The following PPIG variants were observed in gnomAD, a reference collection of about 807,000 sequenced individuals.
The protein encoded by PPIG is peptidyl-prolyl cis-trans isomerase G.
A neutral mutation model predicts 87.9 loss-of-function variants in PPIG; 26 were observed. That is an observed-to-expected ratio of 0.30 (90% CI 0.22 to 0.41). The LOEUF is 0.41. PPIG is among the 10% of genes least tolerant of loss of function. The pLI is 1.00. For synonymous variants in PPIG, 308 were observed against 276.5 expected, an observed-to-expected ratio of 1.11 and a Z score of -1.13; for missense variants, 722 against 879.4, an observed-to-expected ratio of 0.82 and a Z score of 2.26.
chr2:169,639,978 C>T lies in PPIG; in HGVS notation c.*2455C>T, dbSNP rs959466594. ...AAAATATTTAAACTGATTTATTGCTCAATTGGTGATAGCTGAGAAAATTTT... is the reference window on the plus strand; with the variant it reads ...AAAATATTTAAACTGATTTATTGCTTAATTGGTGATAGCTGAGAAAATTTT... On this transcript the variant is annotated 3_prime_UTR_variant, in exon 14 of 14. Transcript: ENST00000260970. 4 of 152,024 alleles carry T rather than the reference C, an allele frequency of 2.6e-5. No individual in the cohort carries two copies. Among genetic ancestry groups the T allele is most frequent in the East Asian group, 3.9e-4 (2 of 5,180 alleles). The allele number at this position is 152,024 out of a possible 1,614,324, so 9.4% of individuals were successfully genotyped here. A position where few individuals can be genotyped will look rare whatever the true frequency, so the allele number is the denominator to read the frequency against.
chr2:169,603,899 A>G, intron 2 of PPIG, 127 bp from the exon 3 acceptor site: 3 of 718,924 alleles, frequency 4.2e-6, no homozygotes, highest in Non-Finnish European at 4.6e-6. Flanking sequence ...TTTACCTCAT[A>G]GAAATAAATA....
In PPIG at chr2:169,637,236, AGT is replaced by A; in HGVS notation, c.1980_1981del (p.Ser660ArgfsTer7). 2 of 1,613,558 alleles carry A rather than the reference AGT, an allele frequency of 1.2e-6. No homozygotes were observed. The highest frequency in any genetic ancestry group is 1.7e-6 in the Non-Finnish European group (2 of 1,179,940). On this transcript the variant is annotated frameshift_variant, in exon 14 of 14. Transcript: ENST00000260970. LOFTEE classifies it high-confidence loss of function. ...CTCACACAGAAAAGAAAATTCTGAG[AGT>A]GAGAAAAGAATGTACTCTAAAAGTC... ...KSSHRKENSE[S>X]EKRMYSKSRD...
At chr2:169,612,542 C>A (rs929513339) in intron 7 of PPIG, among the ~76,000 whole-genome samples, 1 of 152,042 alleles carries the variant, frequency 6.6e-6, no homozygotes, top group Admixed American at 6.6e-5. Context: ...TGTCACCACG[C>A]CTGGCTAATT....
chr2:169,597,801 C>G (rs1685061020), intron 1 of PPIG, among the ~76,000 whole-genome samples: 1 of 152,096 alleles, frequency 6.6e-6, no homozygotes, highest in Non-Finnish European at 1.5e-5. Context: ...GCCCAGCTCT[C>G]TCTTCTTTTA....
At position 169,601,250 on chromosome 2, in the gene PPIG, T is replaced by C. The variant is rs1238406793; in HGVS notation, c.-69-2392T>C. 2.0e-5 allele frequency among the ~76,000 whole-genome samples: 3 copies of C among 152,208 alleles called. No homozygotes were observed. The East Asian group carries it at 5.8e-4, about 29-fold the overall frequency. ...AGTGTTTCCATTTTTTTGTTGTTGT[T>C]ACTGCAATTTTACATTCTCACTTAT... On this transcript the variant is annotated intron_variant, in intron 1 of 13. Transcript: ENST00000260970.
In PPIG at chr2:169,637,098, G is replaced by A; in HGVS notation, c.1840G>A (p.Gly614Arg). 6.2e-7 allele frequency: 1 copy of A among 1,612,858 alleles called. No individual in the cohort carries two copies. Among genetic ancestry groups the A allele is most frequent in the Non-Finnish European group, 8.5e-7 (1 of 1,179,558 alleles). Residue 614 changes from glycine (G) to arginine (R), a missense_variant, in exon 14 of 14, where the codon GGA becomes AGA. Gly to Arg is a moderately radical substitution (Grantham distance 125). Around this residue, in one of 4 missense-constraint regions of PPIG, gnomAD observed 476 missense variants for 483.1 expected, o/e 0.99. Transcript: ENST00000260970. ...SRSRERRTPP[G>R]RSRSKDRRRR... ...AAGCCGAGAGAGAAGAACACCACCA[G>A]GAAGATCAAGAAGTAAAGATAGGAG... is the stretch of plus-strand genomic sequence containing the variant.
chr2:169,632,026 C>T, intron 11 of PPIG, 93 bp downstream of exon 11: 3 of 1,310,976 alleles, frequency 2.3e-6, no homozygotes, highest in South Asian at 1.8e-5. Context: ...TAATTGGTGA[C>T]CTTGTCCCAA....
At chr2:169,612,486 C>T (rs892655900) in intron 7 of PPIG, among the ~76,000 whole-genome samples, 2 of 150,718 alleles carry the variant, frequency 1.3e-5, no homozygotes, top group African/African-American at 4.9e-5. Flanking sequence ...CGGGTTCACG[C>T]CATTCTCCTG....
Position 169,608,750 on chromosome 2 carries a change from G to C in PPIG, c.369G>C (p.Gln123His), listed in dbSNP as rs1466567861. ...GAGGGAAGGATACAAATGGTTCACA[G>C]TTCTTCATGTAAGTATTTATTATCT... ...ANRGKDTNGSQFFITTKPTPH... is the reference protein window; with the variant it reads ...ANRGKDTNGSHFFITTKPTPH... Residue 123 changes from glutamine (Q) to histidine (H), a missense_variant, in exon 7 of 14, where the codon CAG (glutamine) becomes CAC (histidine). By Grantham distance (24) the Gln-to-His change is conservative. Around this residue, in one of 4 missense-constraint regions of PPIG, gnomAD observed 99 missense variants for 215.8 expected, o/e 0.46. Coordinates refer to ENST00000260970, the MANE Select transcript of PPIG (RefSeq NM_004792.3). The C allele has an allele frequency of 1.3e-6, 2 of 1,593,818 alleles. No homozygotes were observed.
intron 11 of PPIG, among the ~76,000 whole-genome samples, 200 bp from the exon 12 acceptor site, chr2:169,632,960 T>C (rs1686096308): frequency 6.6e-6 from 1 of 151,456 alleles, no homozygotes; most frequent in Admixed American, 6.6e-5. Context: ...GTATTTTTAG[T>C]AGAGACTGGG....
chr2:169,611,827 C>T (rs995171524), intron 7 of PPIG, among the ~76,000 whole-genome samples: 1 of 151,980 alleles, frequency 6.6e-6, no homozygotes, highest in African/African-American at 2.4e-5. Context: ...TCGTAGGTAA[C>T]CCTTCTTCTG....
At chr2:169,627,565 TC>T (rs1336324970) in intron 9 of PPIG, among the ~76,000 whole-genome samples, 4 of 152,022 alleles carry the variant, frequency 2.6e-5, no homozygotes, top group Non-Finnish European at 4.4e-5. Flanking sequence ...CTCACTCTGT[TC>T]CCCAGGCTAG....
At chr2:169,607,024 A>G (rs1685350541) in intron 5 of PPIG, 80 bp from the exon 6 acceptor site, 2 of 862,846 alleles carry the variant, frequency 2.3e-6, no homozygotes, top group Non-Finnish European at 3.7e-6. Flanking sequence ...TCAAAAATCT[A>G]CTTTACAAGA....
chr2:169,620,975 C>G (rs1685732304), intron 9 of PPIG, among the ~76,000 whole-genome samples: 1 of 152,062 alleles, frequency 6.6e-6, no homozygotes, highest in Admixed American at 6.6e-5. Flanking sequence ...CTTTCTGATT[C>G]TCACAGTAAC....
At chr2:169,590,719 T>G (rs934845155) in intron 1 of PPIG, among the ~76,000 whole-genome samples, 1 of 152,204 alleles carries the variant, frequency 6.6e-6, no homozygotes, top group Admixed American at 6.5e-5. Context: ...TAACTAATTA[T>G]CTGGCTAATT....
At chr2:169,612,986 C>T (rs1241046782) in intron 7 of PPIG, among the ~76,000 whole-genome samples, 3 of 152,156 alleles carry the variant, frequency 2.0e-5, no homozygotes, top group Non-Finnish European at 2.9e-5. Flanking sequence ...TTTTCCACAT[C>T]CTTGCCCAGC....
intron 7 of PPIG, among the ~76,000 whole-genome samples, chr2:169,612,363 C>T (rs1302094422): frequency 6.8e-6 from 1 of 146,280 alleles, no homozygotes; most frequent in East Asian, 2.0e-4. Flanking sequence ...TATATTGTAA[C>T]ATGTATCAGA....
intron 9 of PPIG, among the ~76,000 whole-genome samples, chr2:169,620,883 ACT>A (rs1685730604): frequency 6.6e-6 from 1 of 152,078 alleles, no homozygotes; most frequent in Non-Finnish European, 1.5e-5. Context: ...CCTTAAACTG[ACT>A]CTGTTCTTAC....
chr2:169,612,858 G>A (rs551991920), intron 7 of PPIG, among the ~76,000 whole-genome samples: 1 of 152,272 alleles, frequency 6.6e-6, no homozygotes, highest in South Asian at 2.1e-4. Context: ...ATACCTAGGA[G>A]TGAATTGGTG....
Sources: allele counts gnomAD v4.1 joint callset (sites outside exome capture counted in the v4.1 genomes callset), GRCh38; gene constraint gnomAD v4.1.1; regional missense constraint gnomAD v4.1.1; transcripts MANE v1.5; gene names NCBI Gene and HGNC (gene_info 2026-07-23, HGNC 2026-07-21).